The following DSC2 variants were observed in gnomAD, a reference collection of about 807,000 sequenced individuals.
DSC2 encodes desmocollin 2, also known as desmocollin-2.
A neutral mutation model predicts 87.6 loss-of-function variants in DSC2; 51 were observed. That is an observed-to-expected ratio of 0.58 (90% CI 0.46 to 0.74). The LOEUF is 0.74. DSC2 is among the 30% of genes least tolerant of loss of function. The pLI is 0.00. For synonymous variants in DSC2, 383 were observed against 393.2 expected (o/e 0.97, Z 0.31); for missense variants, 1,066 against 1,089.5 (o/e 0.98, Z 0.30).
chr18:31,090,963 T>G, intron 4 of DSC2, 65 bp downstream of exon 4: 1 of 1,602,220 alleles, frequency 6.2e-7, no homozygotes, highest in Non-Finnish European at 8.5e-7. Flanking sequence ...AACTTCATAC[T>G]CAGTGTCATA....
chr18:31,071,423 T>G (rs1986823115), intron 13 of DSC2, among the ~76,000 whole-genome samples, 182 bp downstream of exon 13: 1 of 152,092 alleles, frequency 6.6e-6, no homozygotes, highest in African/African-American at 2.4e-5. Context: ...GGCGCACACC[T>G]GTAATCCCAG....
chr18:31,092,563 TAAACCA>T (rs1323409776), intron 2 of DSC2, among the ~76,000 whole-genome samples: 1 of 152,188 alleles, frequency 6.6e-6, no homozygotes, highest in Non-Finnish European at 1.5e-5. Context: ...TTTGAATCTT[TAAACCA>T]AAACCAAAAC....
At chr18:31,101,436 C>G (rs1424016561) in intron 1 of DSC2, among the ~76,000 whole-genome samples, 1 of 142,652 alleles carries the variant, frequency 7.0e-6, no homozygotes, top group Non-Finnish European at 1.5e-5. Context: ...CCGCACGTTC[C>G]CGAGGCACAG....
At chr18:31,085,929 C>T (rs1987380707) in intron 7 of DSC2, among the ~76,000 whole-genome samples, 2 of 151,986 alleles carry the variant, frequency 1.3e-5, no homozygotes, top group Non-Finnish European at 2.9e-5. Flanking sequence ...AGATTTAAAA[C>T]AATCTTGGAG....
chr18:31,097,712 GGAAAA>G lies in DSC2; in HGVS notation c.70-4074_70-4070del, dbSNP rs1235303665. On this transcript the variant is annotated intron_variant, in intron 1 of 15. Coordinates refer to ENST00000280904, the MANE Select transcript of DSC2 (RefSeq NM_024422.6). ...GAATGATATTTGACCCACAGGAATT[GGAAAA>G]GAAGAGGCAAAACAATTTGTATTTG... Among the ~76,000 whole-genome samples the G allele has an allele frequency of 1.4e-4, 22 of 151,782 alleles. 1 individual carries two copies. Among genetic ancestry groups the G allele is most frequent in the African/African-American group, 4.1e-4 (17 of 41,072 alleles).
At chr18:31,079,753 A>G (rs1987140738) in intron 11 of DSC2, 94 bp downstream of exon 11, 2 of 1,430,358 alleles carry the variant, frequency 1.4e-6, no homozygotes, top group African/African-American at 2.8e-5. Context: ...AACAGAGTGC[A>G]TGTATCCAGC....
At chr18:31,068,727 CT>C (rs1397068244) in intron 15 of DSC2, among the ~76,000 whole-genome samples, 166 bp downstream of exon 15, 1 of 151,988 alleles carries the variant, frequency 6.6e-6, no homozygotes, top group African/African-American at 2.4e-5. Flanking sequence ...TAAATAACCA[CT>C]TAAATCTGAA....
chr18:31,099,540 G>C (rs1987867475), intron 1 of DSC2, among the ~76,000 whole-genome samples: 1 of 151,076 alleles, frequency 6.6e-6, no homozygotes, highest in African/African-American at 2.4e-5. Flanking sequence ...AGAAAAAGAA[G>C]AAAAAGACAA....
In DSC2 at chr18:31,060,056, C is replaced by G. The variant is rs1300295972; in HGVS notation, c.*7959G>C. On this transcript the variant is annotated 3_prime_UTR_variant, in exon 16 of 16. Coordinates refer to ENST00000280904, the MANE Select transcript of DSC2 (RefSeq NM_024422.6). ...ATCCACGTCTTTCTGACTGCGAAGT[C>G]TGTGTGTGATCATTGTTTCCATTGT... 2 of 152,146 alleles carry G rather than the reference C, an allele frequency of 1.3e-5. No individual in the cohort carries two copies. Among genetic ancestry groups the G allele is most frequent in the Non-Finnish European group, 2.9e-5 (2 of 68,020 alleles). 9.4% of individuals were successfully genotyped at this position (152,146 alleles called of 1,614,324 possible). A position where few individuals can be genotyped will look rare whatever the true frequency, so the allele number is the denominator to read the frequency against.
At position 31,080,534 on chromosome 18, in the gene DSC2, A is replaced by G. The variant is rs1790701; in HGVS notation, c.1264-182T>C. Reference sequence around the variant, plus strand: ...TGTGTCGCCACCCACATCTCATGTCAAATTGTAATTCCCAATGTTGGGGGA... The same window carrying G: ...TGTGTCGCCACCCACATCTCATGTCGAATTGTAATTCCCAATGTTGGGGGA... On this transcript the variant is annotated intron_variant, in intron 9 of 15. Transcript: ENST00000280904. Among the ~76,000 whole-genome samples the G allele has an allele frequency of 0.78, 118,637 of 152,106 alleles. 46,589 individuals are homozygous for G. Among genetic ancestry groups the G allele is most frequent in the East Asian group, 0.89 (4,602 of 5,182 alleles).
chr18:31,099,242 G>C (rs1987856583), intron 1 of DSC2, among the ~76,000 whole-genome samples: 1 of 151,288 alleles, frequency 6.6e-6, no homozygotes, highest in African/African-American at 2.4e-5. Context: ...GATTCCAAAG[G>C]ACAAGACCTA....
rs189510925 is a variant in DSC2 at position 31,066,097 on chromosome 18, G to T, written c.*1918C>A. 2 of 152,196 alleles carry T rather than the reference G, an allele frequency of 1.3e-5. No homozygotes were observed. The highest frequency in any genetic ancestry group is 3.9e-4 in the East Asian group (2 of 5,166). The allele number at this position is 152,196 out of a possible 1,614,324, so 9.4% of individuals were successfully genotyped here. The stretch of plus-strand genomic sequence containing the variant: ...ACAATGGCCCTAGGAAACAAGTTCT[G>T]TTATTATCCCCCATTTTAAAATGAT... On this transcript the variant is annotated 3_prime_UTR_variant, in exon 16 of 16. Coordinates refer to ENST00000280904, the MANE Select transcript of DSC2 (RefSeq NM_024422.6).
In DSC2 at chr18:31,067,954, G is replaced by T; in HGVS notation, c.*61C>A. The T allele has an allele frequency of 6.5e-7, 1 of 1,530,784 alleles. No homozygotes were observed. 94.8% of individuals were successfully genotyped at this position (1,530,784 alleles called of 1,614,324 possible). A position where few individuals can be genotyped will look rare whatever the true frequency, so the allele number is the denominator to read the frequency against. The stretch of plus-strand genomic sequence containing the variant: ...CATCTTCTGCTTTAAAAAATTCTTG[G>T]TTTGTAATTTTTTTTAAAAGTCATA... On this transcript the variant is annotated 3_prime_UTR_variant, in exon 16 of 16. Transcript: ENST00000280904.
chr18:31,092,678 T>C (rs759398163), intron 2 of DSC2, among the ~76,000 whole-genome samples: 1 of 152,184 alleles, frequency 6.6e-6, no homozygotes, highest in African/African-American at 2.4e-5. Context: ...ATTTGCTAAA[T>C]GAAAATATTA....
rs1336396788 is a variant in DSC2 at position 31,068,971 on chromosome 18, C to T, written c.2431G>A (p.Gly811Arg). The T allele has an allele frequency of 6.2e-7, 1 of 1,614,058 alleles. No homozygotes were observed. Residue 811 changes from glycine to arginine, a missense_variant, in exon 15 of 16, where the codon GGA becomes AGA. Transcript: ENST00000280904. ...GHHHTLDSCR[G>R]GHTEVDNCRY... ...CAGTTGTCCACCTCCGTGTGTCCTCCCCTGCAGGAGTCCAGGGTGTGATGG... is the reference window on the plus strand; with the variant it reads ...CAGTTGTCCACCTCCGTGTGTCCTCTCCTGCAGGAGTCCAGGGTGTGATGG...
Position 31,061,204 on chromosome 18 carries a change from A to G in DSC2, c.*6811T>C, listed in dbSNP as rs1986494296. 6.6e-6 allele frequency: 1 copy of G among 152,196 alleles called. No homozygotes were observed. The allele number at this position is 152,196 out of a possible 1,614,324, so 9.4% of individuals were successfully genotyped here. Reference sequence around the variant, plus strand: ...AAATTATACAAGCGAATATATCAGCAAGTTTGCCTTCATATTTGTTAACTG... The same window carrying G: ...AAATTATACAAGCGAATATATCAGCGAGTTTGCCTTCATATTTGTTAACTG... On this transcript the variant is annotated 3_prime_UTR_variant, in exon 16 of 16. Transcript: ENST00000280904.
chr18:31,094,478 A>G (rs1713561667), intron 1 of DSC2, among the ~76,000 whole-genome samples: 2 of 152,220 alleles, frequency 1.3e-5, no homozygotes, highest in Non-Finnish European at 2.9e-5. Flanking sequence ...ACCAAGTCCA[A>G]TGCAACATAT....
intron 14 of DSC2, 146 bp from the exon 15 acceptor site, chr18:31,069,297 A>T: frequency 9.6e-7 from 1 of 1,037,024 alleles, no homozygotes; most frequent in Non-Finnish European, 1.4e-6. Flanking sequence ...CTATTTTGTG[A>T]ATCCTGCATA....
rs1211877856 is a variant in DSC2, at chr18:31,067,442, T to C, written c.*573A>G. 6.5e-6 allele frequency: 1 copy of C among 152,826 alleles called. No individual in the cohort carries two copies. The highest frequency in any genetic ancestry group is 1.5e-5 in the Non-Finnish European group (1 of 68,568). The allele number at this position is 152,826 out of a possible 1,614,324, so 9.5% of individuals were successfully genotyped here. ...ATTCAGTGCAGGATTTTATATACAATAAAACCTAAAACTAAACTCCACCAA... is the reference window on the plus strand; with the variant it reads ...ATTCAGTGCAGGATTTTATATACAACAAAACCTAAAACTAAACTCCACCAA... On this transcript the variant is annotated 3_prime_UTR_variant, in exon 16 of 16. Coordinates refer to ENST00000280904, the MANE Select transcript of DSC2 (RefSeq NM_024422.6).
Sources: gnomAD v4.1 joint callset for allele counts (sites outside exome capture counted in the v4.1 genomes callset) on GRCh38, gnomAD v4.1.1 for gene constraint, MANE v1.5 for transcripts, NCBI Gene and HGNC (gene_info 2026-07-23, HGNC 2026-07-21) for gene names.